The following NRIP3 variants were observed in gnomAD, a reference collection of about 807,000 sequenced individuals.
NRIP3 encodes nuclear receptor-interacting protein 3.
Under a neutral mutation model 29.0 loss-of-function variants are expected in NRIP3, and 31 were observed. That is an observed-to-expected ratio of 1.07 (90% CI 0.80 to 1.44). NRIP3 has a LOEUF of 1.44. NRIP3 is among the 40% of genes most tolerant of loss of function. The probability of loss-of-function intolerance (pLI) is 0.00; values close to 1 mark genes in which losing one functional copy is unlikely to be tolerated. For synonymous variants in NRIP3, 131 were observed against 118.3 expected (o/e 1.11, Z -0.70); for missense variants, 314 against 297.9 (o/e 1.05, Z -0.40).
intron 4 of NRIP3, among the ~76,000 whole-genome samples, chr11:8,985,118 T>C (rs1199647020): frequency 2.6e-5 from 4 of 151,538 alleles, no homozygotes; most frequent in Admixed American, 6.6e-5. Context: ...CCCAAAGTGC[T>C]GGGATTACAG....
In NRIP3 at chr11:8,983,433, G is replaced by T; in HGVS notation, c.*112C>A. 1 of 932,752 alleles carries T rather than the reference G, an allele frequency of 1.1e-6. No individual in the cohort carries two copies. Among genetic ancestry groups the T allele is most frequent in the Non-Finnish European group, 1.7e-6 (1 of 602,090 alleles). The allele number at this position is 932,752 out of a possible 1,614,324, so 57.8% of individuals were successfully genotyped here. Reference sequence around the variant, plus strand: ...GAGCCCCTGGAGCTTCTATTAGATGGAAGGACTTGGTCCACAGCAAGTCAC... The same window carrying T: ...GAGCCCCTGGAGCTTCTATTAGATGTAAGGACTTGGTCCACAGCAAGTCAC... On this transcript the variant is annotated 3_prime_UTR_variant, in exon 7 of 7. Transcript: ENST00000309166.
rs886538801 is a variant in NRIP3 at position 8,981,098 on chromosome 11, A to G, written c.*2447T>C. The G allele has an allele frequency of 2.6e-5, 4 of 152,172 alleles. No individual in the cohort carries two copies. Among genetic ancestry groups the G allele is most frequent in the Non-Finnish European group, 5.9e-5 (4 of 68,036 alleles). The allele number at this position is 152,172 out of a possible 1,614,324, so 9.4% of individuals were successfully genotyped here. A position where few individuals can be genotyped will look rare whatever the true frequency, so the allele number is the denominator to read the frequency against. ...CACCTTCTTACCTTCTCAGCCCCCA[A>G]AAATTAGACCCAGTGCTCCCTCATG... On this transcript the variant is annotated 3_prime_UTR_variant, in exon 7 of 7. Transcript: ENST00000309166.
chr11:9,003,650 A>G, intron 1 of NRIP3, 112 bp downstream of exon 1: 1 of 1,101,670 alleles, frequency 9.1e-7, no homozygotes, highest in Non-Finnish European at 1.2e-6. Context: ...CCGCGAGCCA[A>G]GGGCAGCGGC....
At chr11:8,984,234 T>C (rs1321525401) in intron 4 of NRIP3, 110 bp from the exon 5 acceptor site, 3 of 717,996 alleles carry the variant, frequency 4.2e-6, no homozygotes, top group Non-Finnish European at 7.4e-6. Context: ...CCAATAAACA[T>C]ATATTGAGCA....
intron 3 of NRIP3, among the ~76,000 whole-genome samples, chr11:8,986,895 G>A (rs1039295419): frequency 3.3e-5 from 5 of 152,292 alleles, no homozygotes; most frequent in Admixed American, 2.0e-4. Flanking sequence ...TGGCGCACAC[G>A]TAGTCCCAGT....
At chr11:8,999,988 C>T (rs2134930362) in intron 1 of NRIP3, among the ~76,000 whole-genome samples, 1 of 152,256 alleles carries the variant, frequency 6.6e-6, no homozygotes, top group Admixed American at 6.5e-5. Flanking sequence ...CCTCCTTCCT[C>T]CCACAAGAAT....
In NRIP3 at chr11:8,982,043, T is replaced by C. The variant is rs1854423962; in HGVS notation, c.*1502A>G. 1 of 152,082 alleles carries C rather than the reference T, an allele frequency of 6.6e-6. No individual in the cohort carries two copies. The highest frequency in any genetic ancestry group is 2.4e-5 in the African/African-American group (1 of 41,432). 9.4% of individuals were successfully genotyped at this position (152,082 alleles called of 1,614,324 possible). A position where few individuals can be genotyped will look rare whatever the true frequency, so the allele number is the denominator to read the frequency against. On this transcript the variant is annotated 3_prime_UTR_variant, in exon 7 of 7. Transcript: ENST00000309166. ...AGTGGGATCCTTTAAACAAACACTCTGAGAACTACTGCTATGACACAGGGT... is the reference window on the plus strand; with the variant it reads ...AGTGGGATCCTTTAAACAAACACTCCGAGAACTACTGCTATGACACAGGGT...
rs897695360 is a variant in NRIP3, at chr11:9,003,912, A to G, written c.24T>C (p.Thr8=). The part of the protein sequence containing the change: MFYSGLL[T]EGGRKETDMR... ...TGTCGGTCTCCTTGCGGCCGCCCTC[A>G]GTGAGGAGCCCTGAGTAAAACATCG... Residue 8 remains threonine, a synonymous_variant, in exon 1 of 7, where the codon ACT becomes ACC. Coordinates refer to ENST00000309166, the MANE Select transcript of NRIP3 (RefSeq NM_020645.3). The G allele has an allele frequency of 6.6e-7, 1 of 1,518,320 alleles. No individual in the cohort carries two copies. 94.1% of individuals were successfully genotyped at this position (1,518,320 alleles called of 1,614,324 possible). A position where few individuals can be genotyped will look rare whatever the true frequency, so the allele number is the denominator to read the frequency against.
rs11449384 is a variant in NRIP3, at chr11:8,981,466, TA to T, written c.*2078del. ...CTGGGCAACAGAGTGAGACTCTGTC[TA>T]AAAAAAAAAAAAAAAAAAGAATAAA... On this transcript the variant is annotated 3_prime_UTR_variant, in exon 7 of 7. Transcript: ENST00000309166. 0.023 allele frequency: 2,608 copies of T among 114,858 alleles called. 81 individuals carry two copies. The highest frequency in any genetic ancestry group is 0.08 in the African/African-American group (2,414 of 30,216). The allele number at this position is 114,858 out of a possible 1,614,324, so 7.1% of individuals were successfully genotyped here.
At chr11:9,000,638 A>G (rs191566510) in intron 1 of NRIP3, among the ~76,000 whole-genome samples, 17 of 152,368 alleles carry the variant, frequency 1.1e-4, no homozygotes, top group Admixed American at 8.5e-4. Flanking sequence ...ACCACATAAC[A>G]TGACTGTTTT....
In NRIP3 at chr11:8,988,081, C is replaced by G. The variant is rs370151242; in HGVS notation, c.339+37G>C. The stretch of plus-strand genomic sequence containing the variant: ...AGGAGAGGGCCCCACATCCTACTTT[C>G]CAGAAAACCCTGGAAAAGCTGTTCT... On this transcript the variant is annotated intron_variant, in intron 2 of 6. Coordinates refer to ENST00000309166, the MANE Select transcript of NRIP3 (RefSeq NM_020645.3). 6.2e-6 allele frequency: 10 copies of G among 1,606,530 alleles called. No homozygotes were observed. In the African/African-American group the frequency reaches 1.1e-4, roughly 17 times the overall value.
chr11:8,988,376 C>T (rs1854550764), intron 1 of NRIP3, 94 bp from the exon 2 acceptor site: 1 of 982,334 alleles, frequency 1.0e-6, no homozygotes, highest in Non-Finnish European at 1.5e-6. Flanking sequence ...AAGGAGCCTC[C>T]CATAACTGAG....
chr11:8,989,490 T>C (rs1854565163), intron 1 of NRIP3, among the ~76,000 whole-genome samples: 1 of 152,230 alleles, frequency 6.6e-6, no homozygotes. Flanking sequence ...AGGTCTTCAG[T>C]GTATCTGCCA....
At chr11:8,997,526 T>C (rs1334749902) in intron 1 of NRIP3, among the ~76,000 whole-genome samples, 1 of 152,192 alleles carries the variant, frequency 6.6e-6, no homozygotes, top group East Asian at 1.9e-4. Flanking sequence ...ACCTAAGCAG[T>C]CCCTGCTTCT....
intron 1 of NRIP3, among the ~76,000 whole-genome samples, chr11:8,998,927 C>T (rs770513590): frequency 2.2e-4 from 34 of 151,754 alleles, no homozygotes; most frequent in Non-Finnish European, 3.8e-4. Flanking sequence ...CCGAGTTTCC[C>T]GAGTAGCTGG....
At position 8,983,926 on chromosome 11, in the gene NRIP3, G is replaced by A. The variant is rs769228089; in HGVS notation, c.659C>T (p.Thr220Ile). The change falls in exon 6 of 7, where the codon ACA (threonine) becomes ATA (isoleucine). Residue 220 changes from threonine to isoleucine, a missense_variant. Transcript: ENST00000309166. Reference sequence around the variant, plus strand: ...CACAAAAGGGATTTCTTCCTTGTCTGTCTTCCCCATGATCAGCCGGTGCTT... The same window carrying A: ...CACAAAAGGGATTTCTTCCTTGTCTATCTTCCCCATGATCAGCCGGTGCTT... ...LDKHRLIMGK[T>I]DKEEIPFVET... The A allele has an allele frequency of 6.2e-7, 1 of 1,614,202 alleles. No individual in the cohort carries two copies. Among genetic ancestry groups the A allele is most frequent in the Non-Finnish European group, 8.5e-7 (1 of 1,180,040 alleles).
rs1854549287 is a variant in NRIP3, at chr11:8,988,276, G to A, written c.181C>T (p.His61Tyr). Residue 61 changes from histidine (H) to tyrosine (Y), a missense_variant, in exon 2 of 7, where the codon CAT becomes TAT. His to Tyr is a moderately conservative substitution (Grantham distance 83). Coordinates refer to ENST00000309166, the MANE Select transcript of NRIP3 (RefSeq NM_020645.3). Reference protein sequence around the residue: ...KLGSSKDMQPHNILQRRLMET... With the variant: ...KLGSSKDMQPYNILQRRLMET... ...ATGAGGCGCCTCTGCAGAATATTAT[G>A]AGGTTGCTTGAGGGATAGAAAGCAG... 6.2e-7 allele frequency: 1 copy of A among 1,613,338 alleles called. No individual in the cohort carries two copies. The highest frequency in any genetic ancestry group is 8.5e-7 in the Non-Finnish European group (1 of 1,179,502).
intron 2 of NRIP3, among the ~76,000 whole-genome samples, chr11:8,987,906 C>A (rs1854542361): frequency 6.6e-6 from 1 of 152,090 alleles, no homozygotes; most frequent in Admixed American, 6.5e-5. Context: ...AATCACATAC[C>A]CATTTGTAAA....
intron 1 of NRIP3, among the ~76,000 whole-genome samples, chr11:8,990,283 C>T (rs1299210346): frequency 6.6e-6 from 1 of 152,096 alleles, no homozygotes; most frequent in Non-Finnish European, 1.5e-5. Flanking sequence ...TCTGATATCC[C>T]ATATTTTCTT....
Sources: gnomAD v4.1 joint callset for allele counts (sites outside exome capture counted in the v4.1 genomes callset) on GRCh38, gnomAD v4.1.1 for gene constraint, MANE v1.5 for transcripts, NCBI Gene and HGNC (gene_info 2026-07-23, HGNC 2026-07-21) for gene names.